Variants in PLSCR2 observed in about 807,000 individuals in gnomAD.
The protein encoded by PLSCR2 is phospholipid scramblase 2, also known as PL scramblase 2.
In PLSCR2, 18 loss-of-function variants were observed where a neutral mutation model predicts 25.3. The observed-to-expected ratio is 0.71, with a 90% confidence interval of 0.49 to 1.06. PLSCR2 has a LOEUF of 1.06. PLSCR2 is among the 50% of genes least tolerant of loss of function. The pLI, the probability that PLSCR2 is intolerant of heterozygous loss-of-function variation, is 0.00. For missense variants in PLSCR2, 243 were observed against 269.5 expected, an observed-to-expected ratio of 0.90 and a Z score of 0.69; for synonymous variants, 88 against 87.3, an observed-to-expected ratio of 1.01 and a Z score of -0.04.
intron 2 of PLSCR2, among the ~76,000 whole-genome samples, chr3:146,424,772 ACT>A (rs1576596807): frequency 6.6e-6 from 1 of 152,080 alleles, no homozygotes; most frequent in African/African-American, 2.4e-5. Context: ...GCAGATCCAC[ACT>A]GTCTCCACCA....
rs200865910 is a variant in PLSCR2, at chr3:146,420,611, TATTG to T, written c.101-24694_101-24691del. On this transcript the variant is annotated intron_variant and NMD_transcript_variant, in intron 2 of 3. Transcript: ENST00000463633. ...TCTCAACTTTAAATTGTTGCTCTAT[TATTG>T]ATTATCTCTAGTTTAATAAAGCAAT... Among the ~76,000 whole-genome samples, 140 of 152,216 alleles carry T rather than the reference TATTG, an allele frequency of 9.2e-4. 1 individual carries two copies. The highest frequency in any genetic ancestry group is 3.2e-3 in the African/African-American group (135 of 41,572).
intron 1 of PLSCR2, among the ~76,000 whole-genome samples, chr3:146,478,194 G>A (rs192506636): frequency 2.9e-4 from 44 of 152,226 alleles, no homozygotes; most frequent in African/African-American, 5.1e-4. Flanking sequence ...CCAAAGGATC[G>A]CAACTGCTCA....
At chr3:146,397,124 A>T (rs912689424) in intron 2 of PLSCR2, among the ~76,000 whole-genome samples, 2 of 151,972 alleles carry the variant, frequency 1.3e-5, no homozygotes, top group South Asian at 4.1e-4. Context: ...ACTTTCTCTC[A>T]TTTGGCTCTG....
At chr3:146,482,188 A>C (rs1161617068) in intron 1 of PLSCR2, among the ~76,000 whole-genome samples, 1 of 152,200 alleles carries the variant, frequency 6.6e-6, no homozygotes, top group Non-Finnish European at 1.5e-5. Flanking sequence ...TGACTAAAAC[A>C]CCAAAAACAA....
intron 2 of PLSCR2, among the ~76,000 whole-genome samples, chr3:146,414,914 C>T (rs974596784): frequency 3.9e-5 from 6 of 152,300 alleles, no homozygotes; most frequent in East Asian, 1.9e-4. Flanking sequence ...CAGGAATGAT[C>T]CTGCAGCCAG....
chr3:146,430,124 T>C (rs759106095), downstream of PLSCR2, among the ~76,000 whole-genome samples: 1 of 152,114 alleles, frequency 6.6e-6, no homozygotes, highest in Non-Finnish European at 1.5e-5. Context: ...AAAAAGCATT[T>C]TCAGAAGATG....
At chr3:146,470,707 G>A (rs189879079) in intron 1 of PLSCR2, among the ~76,000 whole-genome samples, 9 of 152,068 alleles carry the variant, frequency 5.9e-5, no homozygotes, top group South Asian at 4.1e-4. Context: ...TGGGGGGAGG[G>A]AAGAAAAAAG....
At chr3:146,395,960 G>T in intron 2 of PLSCR2, 1 of 286,624 alleles carries the variant, frequency 3.5e-6, no homozygotes, top group East Asian at 1.3e-4. Flanking sequence ...ATAAAAATCT[G>T]TGAGACAAAA....
chr3:146,415,915 T>A (rs748343946), intron 2 of PLSCR2, among the ~76,000 whole-genome samples: 1 of 152,146 alleles, frequency 6.6e-6, no homozygotes, highest in Non-Finnish European at 1.5e-5. Context: ...AAAATACAAT[T>A]TCCTATTTTA....
At chr3:146,399,458 T>C (rs898283907) in intron 2 of PLSCR2, among the ~76,000 whole-genome samples, 10 of 151,846 alleles carry the variant, frequency 6.6e-5, no homozygotes, top group African/African-American at 1.4e-4. Context: ...CACACACATA[T>C]ACACACATAG....
downstream of PLSCR2, among the ~76,000 whole-genome samples, chr3:146,431,775 T>C (rs1161590182): frequency 1.3e-5 from 2 of 151,328 alleles, no homozygotes; most frequent in East Asian, 2.0e-4. Flanking sequence ...CTATACAACA[T>C]ACTTGAAACT....
chr3:146,463,301 G>A (rs1156934076), upstream of PLSCR2, among the ~76,000 whole-genome samples: 4 of 151,918 alleles, frequency 2.6e-5, no homozygotes, highest in Non-Finnish European at 4.4e-5. Context: ...CTCGGACTCC[G>A]GAGTAGCTGG....
At chr3:146,400,413 A>T (rs1042137626) in intron 2 of PLSCR2, among the ~76,000 whole-genome samples, 7 of 151,450 alleles carry the variant, frequency 4.6e-5, no homozygotes, top group Non-Finnish European at 8.9e-5. Context: ...AAAATAATTA[A>T]ATTTATTTGT....
intron 2 of PLSCR2, among the ~76,000 whole-genome samples, chr3:146,404,816 A>C (rs368052836): frequency 6.7e-5 from 9 of 133,598 alleles, no homozygotes; most frequent in African/African-American, 2.1e-4. Context: ...AGGCAAAAAA[A>C]AAAAAGGGGG....
intron 2 of PLSCR2, among the ~76,000 whole-genome samples, chr3:146,419,616 A>G (rs1453715036): frequency 6.6e-6 from 1 of 152,042 alleles, no homozygotes; most frequent in Non-Finnish European, 1.5e-5. Flanking sequence ...GCAGGACTCT[A>G]TTCTTTCTAG....
chr3:146,407,697 G>A (rs956543335), intron 2 of PLSCR2, among the ~76,000 whole-genome samples: 3 of 152,108 alleles, frequency 2.0e-5, no homozygotes, highest in Non-Finnish European at 2.9e-5. Context: ...CAGTGTAAAC[G>A]TTAATATGTT....
intron 1 of PLSCR2, among the ~76,000 whole-genome samples, chr3:146,475,459 C>A (rs1201253717): frequency 1.3e-5 from 2 of 152,068 alleles, no homozygotes; most frequent in African/African-American, 4.8e-5. Context: ...TACTTCTTTA[C>A]ATGCTTCATA....
At chr3:146,400,063 G>A (rs7650546) in intron 2 of PLSCR2, among the ~76,000 whole-genome samples, 90,066 of 151,518 alleles carry the variant, frequency 0.59, 26,967 homozygotes, top group South Asian at 0.76. Context: ...ACAAAATATA[G>A]GTAGATGTAG....
chr3:146,470,802 A>T (rs2042088270), intron 1 of PLSCR2, among the ~76,000 whole-genome samples: 2 of 152,214 alleles, frequency 1.3e-5, no homozygotes, highest in African/African-American at 4.8e-5. Flanking sequence ...CCTGAGTTTG[A>T]ATTCTTTCTT....
Sources: gnomAD v4.1 joint callset for allele counts (sites outside exome capture counted in the v4.1 genomes callset) on GRCh38, gnomAD v4.1.1 for gene constraint, MANE v1.5 for transcripts, NCBI Gene and HGNC (gene_info 2026-07-23, HGNC 2026-07-21) for gene names.